Variants in ANKS1B observed in about 807,000 individuals in gnomAD.
ANKS1B encodes the protein ankyrin repeat and sterile alpha motif domain-containing protein 1B.
A neutral mutation model predicts 148.3 loss-of-function variants in ANKS1B; 36 were observed. The observed-to-expected ratio is 0.24, with a 90% CI of 0.19 to 0.32. The LOEUF is 0.32. ANKS1B is among the 10% of genes least tolerant of loss of function. ANKS1B has a pLI of 1.00. For synonymous variants in ANKS1B, 542 were observed against 560.8 expected, an observed-to-expected ratio of 0.97 and a Z score of 0.47; for missense variants, 1,157 against 1,542.6, an observed-to-expected ratio of 0.75 and a Z score of 4.19.
At chr12:98,742,589 T>G (rs957840633), downstream of ANKS1B, among the ~76,000 whole-genome samples, 1 of 152,078 alleles carries the variant, frequency 6.6e-6, no homozygotes, top group Non-Finnish European at 1.5e-5. Context: ...TTAAGTGGAG[T>G]TGGCATTTCC....
chr12:99,715,575 C>T (rs1283562126), intron 8 of ANKS1B, among the ~76,000 whole-genome samples: 1 of 152,166 alleles, frequency 6.6e-6, no homozygotes, highest in African/African-American at 2.4e-5. Flanking sequence ...GGTCTCTTCA[C>T]ACGGATGCGC....
At chr12:98,803,556 C>T (rs2153600549) in intron 20 of ANKS1B, among the ~76,000 whole-genome samples, 2 of 152,280 alleles carry the variant, frequency 1.3e-5, no homozygotes, top group South Asian at 4.1e-4. Flanking sequence ...GCTGATGTGA[C>T]AACTCAAACC....
At chr12:99,532,233 T>G (rs12321286) in intron 9 of ANKS1B, among the ~76,000 whole-genome samples, 32,303 of 152,232 alleles carry the variant, frequency 0.21, 3,653 homozygotes, top group East Asian at 0.3. Flanking sequence ...TTGTTGGATT[T>G]GCTTTTGGGG....
chr12:99,318,950 G>C (rs2084697958), intron 12 of ANKS1B, among the ~76,000 whole-genome samples: 1 of 152,044 alleles, frequency 6.6e-6, no homozygotes, highest in Non-Finnish European at 1.5e-5. Context: ...TTCAGGAGCA[G>C]GTTGTTCAGT....
chr12:98,834,545 T>C (rs907095524), intron 17 of ANKS1B, among the ~76,000 whole-genome samples: 2 of 152,168 alleles, frequency 1.3e-5, no homozygotes, highest in African/African-American at 4.8e-5. Context: ...TTTCCCTAAA[T>C]TTCTTATCTT....
intron 17 of ANKS1B, among the ~76,000 whole-genome samples, chr12:98,966,426 T>C (rs1403126250): frequency 6.6e-6 from 1 of 152,084 alleles, no homozygotes; most frequent in Non-Finnish European, 1.5e-5. Context: ...TGTGGAGAAA[T>C]AGGAACACTT....
chr12:98,822,765 C>G (rs2099209312), intron 19 of ANKS1B, among the ~76,000 whole-genome samples: 1 of 152,192 alleles, frequency 6.6e-6, no homozygotes, highest in Non-Finnish European at 1.5e-5. Flanking sequence ...AGAATCAACT[C>G]TGGCTAATTT....
intron 20 of ANKS1B, among the ~76,000 whole-genome samples, chr12:98,807,142 C>T (rs2099056720): frequency 6.6e-6 from 1 of 152,128 alleles, no homozygotes; most frequent in Non-Finnish European, 1.5e-5. Context: ...AAACCCCAAA[C>T]ATTTAAATGT....
chr12:99,738,851 G>A (rs1249151858), intron 8 of ANKS1B, among the ~76,000 whole-genome samples: 1 of 152,126 alleles, frequency 6.6e-6, no homozygotes, highest in Non-Finnish European at 1.5e-5. Context: ...TGAGGCTGGA[G>A]GTGAAAGCAG....
intron 17 of ANKS1B, among the ~76,000 whole-genome samples, chr12:98,927,254 C>A (rs762068362): frequency 6.6e-6 from 1 of 152,012 alleles, no homozygotes; most frequent in East Asian, 1.9e-4. Context: ...CCAGCAAAAC[C>A]ACCAGTTAAA....
chr12:99,108,968 C>A (rs1172616026), intron 15 of ANKS1B, among the ~76,000 whole-genome samples: 1 of 152,098 alleles, frequency 6.6e-6, no homozygotes, highest in Non-Finnish European at 1.5e-5. Context: ...AAGTAAATGG[C>A]CTCAAAGAAG....
chr12:99,757,598 A>G (rs937732032), intron 8 of ANKS1B, among the ~76,000 whole-genome samples: 1 of 152,096 alleles, frequency 6.6e-6, no homozygotes, highest in African/African-American at 2.4e-5. Flanking sequence ...GTATATACCC[A>G]ATGGAATAAA....
intron 10 of ANKS1B, among the ~76,000 whole-genome samples, chr12:99,466,321 T>C (rs905507125): frequency 3.9e-5 from 6 of 152,062 alleles, no homozygotes; most frequent in Admixed American, 2.0e-4. Flanking sequence ...CACTAAATGC[T>C]CACGAGAGAA....
intron 12 of ANKS1B, among the ~76,000 whole-genome samples, chr12:99,339,841 C>T (rs2089605102): frequency 1.3e-5 from 2 of 152,044 alleles, no homozygotes; most frequent in African/African-American, 4.8e-5. Context: ...ACTTTTAGTC[C>T]TCTACCAAAC....
rs1555520394 is a variant in ANKS1B at position 99,632,767 on chromosome 12, A to ATTTTTTTT, written c.1272+22299_1272+22300insAAAAAAAA. 5.6e-5 allele frequency among the ~76,000 whole-genome samples: 4 copies of ATTTTTTTT among 71,316 alleles called. No homozygotes were observed. In the South Asian group the frequency reaches 1.4e-3, roughly 24 times the overall value. The allele number at this position is 71,316 out of a possible 152,430, so 46.8% of individuals were successfully genotyped here. On this transcript the variant is annotated intron_variant, in intron 9 of 26. Transcript: ENST00000683438. ...TATATATATATATATATATATATAT[A>ATTTTTTTT]TTTTAATTATACTTTAAGTTCTAGG...
intron 9 of ANKS1B, among the ~76,000 whole-genome samples, chr12:99,631,339 C>T (rs2098158904): frequency 6.6e-6 from 1 of 151,300 alleles, no homozygotes; most frequent in Admixed American, 6.6e-5. Context: ...TGGAGTGTTG[C>T]TGATAATGAA....
intron 10 of ANKS1B, among the ~76,000 whole-genome samples, chr12:99,465,771 A>G (rs936702609): frequency 4.6e-5 from 7 of 152,228 alleles, no homozygotes; most frequent in Non-Finnish European, 7.3e-5. Context: ...CACCCAATAC[A>G]GGAGCACCCA....
chr12:99,413,466 T>C (rs12425985), intron 11 of ANKS1B, among the ~76,000 whole-genome samples: 40,309 of 151,978 alleles, frequency 0.27, 5,509 homozygotes, highest in East Asian at 0.43. Context: ...AACGCACAAT[T>C]TTCCTACTCT....
At chr12:98,870,318 T>C (rs1306842386) in intron 17 of ANKS1B, among the ~76,000 whole-genome samples, 1 of 152,222 alleles carries the variant, frequency 6.6e-6, no homozygotes, top group East Asian at 1.9e-4. Context: ...AGCAGCTATC[T>C]TCAGTAATAC....
Sources: gnomAD v4.1 joint callset for allele counts (sites outside exome capture counted in the v4.1 genomes callset) on GRCh38, gnomAD v4.1.1 for gene constraint, MANE v1.5 for transcripts, NCBI Gene and HGNC (gene_info 2026-07-23, HGNC 2026-07-21) for gene names.